The following TRIM65 variants were observed in gnomAD, a reference collection of about 807,000 sequenced individuals.
The protein encoded by TRIM65 is tripartite motif containing 65.
In TRIM65, 46 loss-of-function variants were observed where a neutral mutation model predicts 36.1. The observed-to-expected ratio is 1.27, with a 90% confidence interval of 1.01 to 1.63. The LOEUF (loss-of-function observed/expected upper bound fraction) is 1.63. Ranked by LOEUF, TRIM65 falls within the 40% of genes most tolerant of loss-of-function variation. The pLI is 0.00. For synonymous variants in TRIM65, 346 were observed against 313.6 expected, an observed-to-expected ratio of 1.10 and a Z score of -1.09; for missense variants, 708 against 696.6, an observed-to-expected ratio of 1.02 and a Z score of -0.18.
rs1409546826 is a variant in TRIM65 at position 75,890,790 on chromosome 17, C to A, written c.1543G>T (p.Val515Leu). 2 of 1,483,664 alleles carry A rather than the reference C, an allele frequency of 1.3e-6. No individual in the cohort carries two copies. Among genetic ancestry groups the A allele is most frequent in the Non-Finnish European group, 1.8e-6 (2 of 1,118,268 alleles). The allele number at this position is 1,483,664 out of a possible 1,614,324, so 91.9% of individuals were successfully genotyped here. Residue 515 changes from valine to leucine, a missense_variant, in exon 6 of 6, where the codon GTG becomes TTG. By Grantham distance (32) the Val-to-Leu change is conservative (BLOSUM62 1). Transcript: ENST00000269383. ...ATCCCATGCCTTCTTCAGCTGAGCACCTCTTCCTGGGGCCCCAGAGGGAAC... is the reference window on the plus strand; with the variant it reads ...ATCCCATGCCTTCTTCAGCTGAGCAACTCTTCCTGGGGCCCCAGAGGGAAC... ...AVFPLGPQEE[V>L]LS
chr17:75,892,937 GACAC>G, intron 1 of TRIM65, 87 bp from the exon 2 acceptor site: 17 of 1,222,458 alleles, frequency 1.4e-5, no homozygotes, highest in Non-Finnish European at 1.7e-5. Flanking sequence ...CATGCCTGCA[GACAC>G]CAGGCAGCCC....
intron 4 of TRIM65, among the ~76,000 whole-genome samples, chr17:75,881,211 C>T (rs369611030): frequency 2.4e-5 from 3 of 124,654 alleles, no homozygotes; most frequent in Non-Finnish European, 4.7e-5. Context: ...TCTCCAGCCT[C>T]GGTGACACAG....
At chr17:75,883,496 T>C (rs989656452) in intron 4 of TRIM65, among the ~76,000 whole-genome samples, 1 of 151,658 alleles carries the variant, frequency 6.6e-6, no homozygotes, top group African/African-American at 2.4e-5. Flanking sequence ...GTTTGTTTCA[T>C]TGTCTTTTTT....
At chr17:75,891,701 CCTCA>C in intron 5 of TRIM65, 108 bp downstream of exon 5, 7 of 1,350,972 alleles carry the variant, frequency 5.2e-6, no homozygotes, top group Non-Finnish European at 7.2e-6. Flanking sequence ...CAAGTGCCCC[CCTCA>C]CTCACACGTG....
Position 75,896,918 on chromosome 17 carries a change from T to A in TRIM65, c.20A>T (p.Glu7Val). 1 of 1,505,458 alleles carries A rather than the reference T, an allele frequency of 6.6e-7. No homozygotes were observed. Among genetic ancestry groups the A allele is most frequent in the Non-Finnish European group, 8.8e-7 (1 of 1,131,942 alleles). 93.3% of individuals were successfully genotyped at this position (1,505,458 alleles called of 1,614,324 possible). A position where few individuals can be genotyped will look rare whatever the true frequency, so the allele number is the denominator to read the frequency against. ...GCAGATGGCGCAGGTCAGCTTCTCC[T>A]CCAGCAGCTGCGCGGCCATGGCCCG... MAAQLLEEKLTCAICLG... is the reference protein window; with the variant it reads MAAQLLVEKLTCAICLG... Residue 7 changes from glutamate to valine, a missense_variant, in exon 1 of 6, where the codon GAG (glutamate) becomes GTG (valine). Glu to Val is a moderately radical substitution (Grantham distance 121, BLOSUM62 -2). Transcript: ENST00000269383.
chr17:75,894,074 A>C (rs2065311569), intron 1 of TRIM65, among the ~76,000 whole-genome samples: 1 of 152,066 alleles, frequency 6.6e-6, no homozygotes, highest in Admixed American at 6.5e-5. Context: ...CCCTGTCACC[A>C]GCTCTAAAAT....
Position 75,881,373 on chromosome 17 carries a change from A to G in TRIM65, c.350-744T>C, listed in dbSNP as rs1445317256. Among the ~76,000 whole-genome samples, 5 of 150,446 alleles carry G rather than the reference A, an allele frequency of 3.3e-5. No homozygotes were observed. The South Asian group carries it at 6.2e-4, about 19-fold the overall frequency. Reference sequence around the variant, plus strand: ...GTCTGGGCTGCTATCCCAGAACACCAGAGACTGGGTGGCTTATACACAACA... The same window carrying G: ...GTCTGGGCTGCTATCCCAGAACACCGGAGACTGGGTGGCTTATACACAACA... On this transcript the variant is annotated intron_variant, in intron 4 of 4. Transcript: ENST00000591668.
Position 75,892,145 on chromosome 17 carries a change from A to T in TRIM65, c.785T>A (p.Leu262Gln), listed in dbSNP as rs1335250295. ...LLQPPGPLGP[L>Q]TPLQWDEDQQ... ...GTCTTCATCCCACTGCAGAGGGGTC[A>T]GTGGCCCAAGAGGCCCTGGGGGCTG... The change falls in exon 4 of 6, where the codon CTG (leucine) becomes CAG (glutamine). Residue 262 changes from leucine (L) to glutamine (Q), a missense_variant. Coordinates refer to ENST00000269383, the MANE Select transcript of TRIM65 (RefSeq NM_173547.4). 6.4e-7 allele frequency: 1 copy of T among 1,568,660 alleles called. No homozygotes were observed. Among genetic ancestry groups the T allele is most frequent in the South Asian group, 1.2e-5 (1 of 85,530 alleles).
intron 4 of TRIM65, among the ~76,000 whole-genome samples, chr17:75,881,184 A>T (rs762990232): frequency 5.3e-5 from 7 of 131,086 alleles, no homozygotes; most frequent in Admixed American, 9.8e-5. Context: ...AAGGAGGCAG[A>T]GGTTGTGCCA....
chr17:75,881,185 G>T (rs2065166774), intron 4 of TRIM65, among the ~76,000 whole-genome samples: 1 of 146,480 alleles, frequency 6.8e-6, no homozygotes, highest in Middle Eastern at 3.3e-3. Flanking sequence ...AGGAGGCAGA[G>T]GTTGTGCCAC....
chr17:75,888,134 C>T (rs1422367005), downstream of TRIM65, among the ~76,000 whole-genome samples: 9 of 151,148 alleles, frequency 6.0e-5, no homozygotes, highest in East Asian at 1.4e-3. Flanking sequence ...CCAGCCTGGG[C>T]AACAGAGTGA....
In TRIM65 at chr17:75,890,595, G is replaced by A; in HGVS notation, c.*184C>T. The A allele has an allele frequency of 1.8e-6, 1 of 551,556 alleles. No homozygotes were observed. The highest frequency in any genetic ancestry group is 3.1e-6 in the Non-Finnish European group (1 of 322,838). 34.2% of individuals were successfully genotyped at this position (551,556 alleles called of 1,614,324 possible). On this transcript the variant is annotated 3_prime_UTR_variant, in exon 6 of 6. Coordinates refer to ENST00000269383, the MANE Select transcript of TRIM65 (RefSeq NM_173547.4). Reference sequence around the variant, plus strand: ...CCCATTTATCCCCCTCCTAGACTGTGTCCCCTTCAAAAAGGCTGCAACAGT... The same window carrying A: ...CCCATTTATCCCCCTCCTAGACTGTATCCCCTTCAAAAAGGCTGCAACAGT...
At chr17:75,883,779 G>C (rs1431071698) in intron 4 of TRIM65, among the ~76,000 whole-genome samples, 1 of 151,848 alleles carries the variant, frequency 6.6e-6, no homozygotes, top group Non-Finnish European at 1.5e-5. Context: ...CACCCGCCTC[G>C]GCCTCCCAAA....
chr17:75,883,643 T>C lies in TRIM65; in HGVS notation c.350-3014A>G, dbSNP rs528255437. ...CCCGGGTTCATCCCATTCTCCTGCC[T>C]CAGCCTCCCGAGTAGCTGGGACTAC... On this transcript the variant is annotated intron_variant, in intron 4 of 4. Transcript: ENST00000591668. 5.0e-4 allele frequency among the ~76,000 whole-genome samples: 73 copies of C among 146,268 alleles called. No individual in the cohort carries two copies. The South Asian group carries it at 0.016, about 33-fold the overall frequency.
chr17:75,886,293 CG>C (rs930570782), downstream of TRIM65, among the ~76,000 whole-genome samples: 1 of 151,974 alleles, frequency 6.6e-6, no homozygotes, highest in African/African-American at 2.4e-5. Context: ...GAGGCCGAGG[CG>C]GGCGGATCAC....
Position 75,891,287 on chromosome 17 carries a change from T to C in TRIM65, c.1046A>G (p.Gln349Arg), listed in dbSNP as rs368015889. ...ACGACAGTGCTTCACCTGCTGGTCC[T>C]GGCGCGACAGATAGAAGTGACGGTT... Reference protein sequence around the residue: ...SANRHFYLSRQDQQVKHCRQS... With the variant: ...SANRHFYLSRRDQQVKHCRQS... Residue 349 changes from glutamine to arginine, a missense_variant, in exon 6 of 6, where the codon CAG becomes CGG. Physicochemically the swap from Gln to Arg is conservative, Grantham distance 43. Coordinates refer to ENST00000269383, the MANE Select transcript of TRIM65 (RefSeq NM_173547.4). The C allele has an allele frequency of 1.6e-4, 253 of 1,613,240 alleles. No homozygotes were observed. The highest frequency in any genetic ancestry group is 2.0e-4 in the Non-Finnish European group (237 of 1,180,004).
chr17:75,891,917 G>A, intron 4 of TRIM65, 39 bp from the exon 5 acceptor site: 1 of 1,585,960 alleles, frequency 6.3e-7, no homozygotes, highest in South Asian at 1.1e-5. Flanking sequence ...GGTTGGAGAG[G>A]TCACGATGTG....
chr17:75,890,953 G>A lies in TRIM65; in HGVS notation c.1380C>T (p.Gly460=). 1 of 1,558,850 alleles carries A rather than the reference G, an allele frequency of 6.4e-7. No homozygotes were observed. The highest frequency in any genetic ancestry group is 1.4e-5 in the African/African-American group (1 of 73,382). The change falls in exon 6 of 6, where the codon GGC becomes GGT. Residue 460 remains glycine, a synonymous_variant. Transcript: ENST00000269383. ...GCTCCAGGCTGTAGAAGGTGAGGCA[G>A]CCTGAGGCCAGGTCCAAATCCATGC... ...LLGMDLDLAS[G]CLTFYSLEPQ...
intron 2 of TRIM65, 52 bp downstream of exon 2, chr17:75,892,703 C>A (rs1341253497): frequency 6.5e-7 from 1 of 1,538,190 alleles, no homozygotes; most frequent in African/African-American, 1.4e-5. Context: ...CTGGTGGCCG[C>A]CCCAGGATGC....
Sources: gnomAD v4.1 joint callset for allele counts (sites outside exome capture counted in the v4.1 genomes callset) on GRCh38, gnomAD v4.1.1 for gene constraint, MANE v1.5 for transcripts, NCBI Gene and HGNC (gene_info 2026-07-23, HGNC 2026-07-21) for gene names.